FAT3: variants seen among roughly 807,000 people sequenced by gnomAD.
The protein encoded by FAT3 is FAT atypical cadherin 3.
In FAT3, 95 loss-of-function variants were observed where a neutral mutation model predicts 310.2. The ratio of observed to expected loss-of-function variants is 0.31; its 90% CI spans 0.26 to 0.36. The LOEUF (loss-of-function observed/expected upper bound fraction) is 0.36, where lower values mean the gene tolerates loss of function less well. FAT3 is among the 10% of genes least tolerant of loss of function. The pLI is 1.00. For missense variants in FAT3, 5,408 were observed against 5,715.6 expected, an observed-to-expected ratio of 0.95 and a Z score of 1.74; for synonymous variants, 2,314 against 2,192.9, an observed-to-expected ratio of 1.06 and a Z score of -1.54.
rs756101488 is a variant in FAT3, at chr11:92,880,869, G to T, written c.12266G>T (p.Gly4089Val). Residue 4089 changes from glycine (G) to valine (V), a missense_variant, in exon 23 of 28, where the codon GGG becomes GTG. Physicochemically the swap from Gly to Val is moderately radical, Grantham distance 109. Coordinates refer to ENST00000525166, the MANE Select transcript of FAT3 (RefSeq NM_001367949.2). ...ACTTTCATCTGCAATTGTAAAGCTG[G>T]GCTCACTGGAGTCACGTAAGTGAGA... ...GNTFICNCKA[G>V]LTGVTCEEDI... 6.2e-7 allele frequency: 1 copy of T among 1,613,768 alleles called. No homozygotes were observed. Among genetic ancestry groups the T allele is most frequent in the Admixed American group, 1.7e-5 (1 of 60,010 alleles).
At chr11:92,456,265 G>A (rs1951490161) in intron 2 of FAT3, among the ~76,000 whole-genome samples, 3 of 152,160 alleles carry the variant, frequency 2.0e-5, no homozygotes, top group African/African-American at 7.2e-5. Flanking sequence ...CATGGTAAAT[G>A]TTCAGGAGCA....
At chr11:92,886,463 G>C (rs1416385557) in intron 24 of FAT3, among the ~76,000 whole-genome samples, 4 of 152,156 alleles carry the variant, frequency 2.6e-5, no homozygotes, top group Non-Finnish European at 5.9e-5. Context: ...GACACAGGGT[G>C]CAGAACATGG....
intron 1 of FAT3, among the ~76,000 whole-genome samples, chr11:92,265,100 A>G (rs1307763969): frequency 6.6e-6 from 1 of 151,962 alleles, no homozygotes; most frequent in African/African-American, 2.4e-5. Context: ...AGCTTTTTAT[A>G]TTAGAGTATC....
rs374792242 is a variant in FAT3, at chr11:92,505,711, C to T, written c.3293-18923C>T. 3.3e-5 allele frequency among the ~76,000 whole-genome samples: 5 copies of T among 152,224 alleles called. No individual in the cohort carries two copies. The South Asian group carries it at 1.0e-3, about 32-fold the overall frequency. On this transcript the variant is annotated intron_variant, in intron 2 of 27. Coordinates refer to ENST00000525166, the MANE Select transcript of FAT3 (RefSeq NM_001367949.2). ...GTTTGTTTTGCCTTACAACTCATCA[C>T]CACATATAGGACATTGTTAATAGAT...
chr11:92,451,286 T>G (rs1415513922), intron 2 of FAT3, among the ~76,000 whole-genome samples: 3 of 152,146 alleles, frequency 2.0e-5, no homozygotes, highest in Admixed American at 6.6e-5. Flanking sequence ...CTAAGCATTT[T>G]AATTTGGATG....
chr11:92,658,116 T>C (rs1942645270), intron 3 of FAT3, among the ~76,000 whole-genome samples: 1 of 152,206 alleles, frequency 6.6e-6, no homozygotes, highest in South Asian at 2.1e-4. Flanking sequence ...TTATACTAAG[T>C]CGTCAAAATC....
At chr11:92,867,527 A>AC (rs553861439) in intron 22 of FAT3, among the ~76,000 whole-genome samples, 1 of 151,958 alleles carries the variant, frequency 6.6e-6, no homozygotes, top group Non-Finnish European at 1.5e-5. Context: ...GGCGAATGGA[A>AC]CCCCCTTTTA....
chr11:92,326,964 G>A (rs962965912), intron 1 of FAT3, among the ~76,000 whole-genome samples: 2 of 152,066 alleles, frequency 1.3e-5, no homozygotes, highest in African/African-American at 4.8e-5. Context: ...TCCTACTATT[G>A]CACTTGAGAG....
intron 4 of FAT3, among the ~76,000 whole-genome samples, chr11:92,733,669 G>A (rs908012631): frequency 6.6e-6 from 1 of 152,080 alleles, no homozygotes; most frequent in Non-Finnish European, 1.5e-5. Context: ...TTGAAAGGCC[G>A]ATGTGACTTG....
chr11:92,597,640 T>C (rs1457593632), intron 3 of FAT3, among the ~76,000 whole-genome samples: 1 of 152,150 alleles, frequency 6.6e-6, no homozygotes, highest in African/African-American at 2.4e-5. Flanking sequence ...TTCTGAAAAA[T>C]GTAGGCTTTT....
At chr11:92,466,682 T>C (rs1174158206) in intron 2 of FAT3, among the ~76,000 whole-genome samples, 1 of 150,694 alleles carries the variant, frequency 6.6e-6, no homozygotes, top group Non-Finnish European at 1.5e-5. Context: ...GCTGCACCCA[T>C]TAACTCGTCA....
intron 3 of FAT3, among the ~76,000 whole-genome samples, chr11:92,650,452 T>A (rs1305555734): frequency 6.6e-6 from 1 of 152,208 alleles, no homozygotes; most frequent in Non-Finnish European, 1.5e-5. Flanking sequence ...GCTGAGTTCA[T>A]GTGCTATTAT....
At chr11:92,631,428 C>G (rs1009051217) in intron 3 of FAT3, among the ~76,000 whole-genome samples, 7 of 152,098 alleles carry the variant, frequency 4.6e-5, no homozygotes, top group Non-Finnish European at 1.0e-4. Flanking sequence ...AGGGAGGGAG[C>G]TGGTGGGAGG....
chr11:92,666,353 A>ATTT (rs35495410), intron 3 of FAT3, among the ~76,000 whole-genome samples: 32 of 140,262 alleles, frequency 2.3e-4, no homozygotes, highest in African/African-American at 7.4e-4. Context: ...AATTTGAAGG[A>ATTT]TTTTTTTTTT....
chr11:92,885,695 TAATA>T (rs2136426731), intron 24 of FAT3, among the ~76,000 whole-genome samples: 1 of 152,232 alleles, frequency 6.6e-6, no homozygotes, highest in South Asian at 2.1e-4. Flanking sequence ...AGGGGGGAGT[TAATA>T]AATGAAGGAG....
At chr11:92,410,931 T>A (rs2134917728) in intron 2 of FAT3, among the ~76,000 whole-genome samples, 1 of 151,400 alleles carries the variant, frequency 6.6e-6, no homozygotes, top group East Asian at 1.9e-4. Flanking sequence ...CATACTCAAT[T>A]TTATTTTTAT....
At chr11:92,435,724 C>T (rs1416692490) in intron 2 of FAT3, among the ~76,000 whole-genome samples, 5 of 151,830 alleles carry the variant, frequency 3.3e-5, no homozygotes, top group African/African-American at 4.8e-5. Flanking sequence ...GCCACCACAC[C>T]CAGCTCTAAT....
chr11:92,519,338 A>G (rs535019615), intron 2 of FAT3, among the ~76,000 whole-genome samples: 16 of 152,090 alleles, frequency 1.1e-4, no homozygotes, highest in South Asian at 2.1e-4. Flanking sequence ...GAACATCTAC[A>G]TACAAAAAAT....
intron 2 of FAT3, among the ~76,000 whole-genome samples, chr11:92,480,891 G>T (rs1020814172): frequency 3.9e-5 from 6 of 152,172 alleles, no homozygotes; most frequent in Non-Finnish European, 5.9e-5. Context: ...ATACCTAAGG[G>T]GGTGCCCAGC....
Sources: allele counts gnomAD v4.1 joint callset (sites outside exome capture counted in the v4.1 genomes callset), GRCh38; gene constraint gnomAD v4.1.1; transcripts MANE v1.5; gene names NCBI Gene and HGNC (gene_info 2026-07-23, HGNC 2026-07-21).